Variants in TXNRD1 observed in about 807,000 individuals in gnomAD.
TXNRD1 encodes the protein thioredoxin reductase 1.
A neutral mutation model predicts 80.3 loss-of-function variants in TXNRD1; 57 were observed. That is an observed-to-expected ratio of 0.71 (90% confidence interval 0.57 to 0.89). The LOEUF (loss-of-function observed/expected upper bound fraction) is 0.89, where lower values mean the gene tolerates loss of function less well. Among genes scored for constraint, TXNRD1 ranks in the 40% least tolerant of loss-of-function variants. TXNRD1 has a pLI of 0.00. For missense variants in TXNRD1, 730 were observed against 803.0 expected (o/e 0.91, Z 1.10); for synonymous variants, 291 against 285.2 (o/e 1.02, Z -0.20).
At chr12:104,332,032 C>T (rs2035971018) in intron 14 of TXNRD1, among the ~76,000 whole-genome samples, 1 of 152,004 alleles carries the variant, frequency 6.6e-6, no homozygotes, top group South Asian at 2.1e-4. Context: ...AATCGTATTT[C>T]CTTTTACTTT....
At chr12:104,230,152 C>T (rs2032582935) in intron 1 of TXNRD1, among the ~76,000 whole-genome samples, 1 of 151,786 alleles carries the variant, frequency 6.6e-6, no homozygotes, top group African/African-American at 2.4e-5. Context: ...TCACTGCAAC[C>T]TCCACCTCCC....
intron 15 of TXNRD1, 61 bp from the exon 16 acceptor site, chr12:104,339,078 G>A: frequency 1.9e-6 from 3 of 1,597,782 alleles, no homozygotes; most frequent in South Asian, 2.3e-5. Context: ...TCTAAGCTGT[G>A]TAGGAAGAGG....
At position 104,288,946 on chromosome 12, in the gene TXNRD1, T is replaced by G. The variant is rs755642351; in HGVS notation, c.320T>G (p.Leu107Arg). Reference protein sequence around the residue: ...ELDQTEDGRALEGTLSELAAE... With the variant: ...ELDQTEDGRAREGTLSELAAE... ...TGCCACACAGAGGACGGTCGGGCCC[T>G]GGAAGGAACGCTCTCGGAATTGGCC... The change falls in exon 4 of 17, where the codon CTG becomes CGG. Residue 107 changes from leucine (L) to arginine (R), a missense_variant. Transcript: ENST00000525566. 2.4e-5 allele frequency: 38 copies of G among 1,613,896 alleles called. No homozygotes were observed. Among genetic ancestry groups the G allele is most frequent in the Non-Finnish European group, 3.1e-5 (36 of 1,179,884 alleles).
chr12:104,233,201 A>AGGGCTTACG (rs1565854945), intron 1 of TXNRD1, among the ~76,000 whole-genome samples: 2 of 152,150 alleles, frequency 1.3e-5, no homozygotes, highest in Non-Finnish European at 2.9e-5. Context: ...TAACAGCTAC[A>AGGGCTTACG]TAGGGCTTAA....
chr12:104,348,160 T>G (rs1267406533), intron 16 of TXNRD1, among the ~76,000 whole-genome samples, 193 bp from the exon 17 acceptor site: 1 of 152,220 alleles, frequency 6.6e-6, no homozygotes, highest in African/African-American at 2.4e-5. Context: ...CTCTTTCATC[T>G]TGGTTTTAAA....
At chr12:104,241,561 A>C (rs1175432955) in intron 1 of TXNRD1, among the ~76,000 whole-genome samples, 1 of 146,516 alleles carries the variant, frequency 6.8e-6, no homozygotes, top group Admixed American at 6.9e-5. Flanking sequence ...GTAGAGACGG[A>C]CTCTCCACTT....
chr12:104,289,055 CG>C lies in TXNRD1; in HGVS notation c.414+16del. 1 of 1,606,582 alleles carries C rather than the reference CG, an allele frequency of 6.2e-7. No individual in the cohort carries two copies. The highest frequency in any genetic ancestry group is 8.5e-7 in the Non-Finnish European group (1 of 1,174,344). On this transcript the variant is annotated intron_variant, in intron 4 of 16. Coordinates refer to ENST00000525566, the MANE Select transcript of TXNRD1 (RefSeq NM_001093771.3). Reference sequence around the variant, plus strand: ...CAACCTTGAAGGTAGGAGAGAGTAACGTATCTTTTTAAACGGGGGATGAGCT... The same window carrying C: ...CAACCTTGAAGGTAGGAGAGAGTAACTATCTTTTTAAACGGGGGATGAGCT...
intron 3 of TXNRD1, among the ~76,000 whole-genome samples, chr12:104,276,352 GA>G (rs2135730115): frequency 6.6e-6 from 1 of 152,284 alleles, no homozygotes; most frequent in South Asian, 2.1e-4. Context: ...ACAGAGAAGT[GA>G]AAGTAACTTG....
Position 104,325,423 on chromosome 12 carries a change from T to C in TXNRD1, c.1302T>C (p.Tyr434=). The C allele has an allele frequency of 6.2e-7, 1 of 1,609,148 alleles. No individual in the cohort carries two copies. The change falls in exon 11 of 17, where the codon TAT becomes TAC. Residue 434 remains tyrosine (Y), a synonymous_variant. Transcript: ENST00000525566. ...TNSEEIIEGE[Y]NTVMLAIGRD... ...GTGAGGAAATCATTGAAGGAGAATA[T>C]AATACGGTAAGGAATGGGCCCAGGT...
intron 15 of TXNRD1, among the ~76,000 whole-genome samples, chr12:104,336,628 A>G (rs1388840721): frequency 1.3e-5 from 2 of 151,998 alleles, no homozygotes; most frequent in Non-Finnish European, 2.9e-5. Flanking sequence ...AAGTCAAGGA[A>G]TGTTAACATT....
chr12:104,338,354 T>C (rs189675730), intron 15 of TXNRD1, among the ~76,000 whole-genome samples: 26 of 151,922 alleles, frequency 1.7e-4, no homozygotes, highest in African/African-American at 4.6e-4. Context: ...TTGGTTCATG[T>C]TGGGGAGTCT....
chr12:104,279,821 T>G (rs2033838658), intron 3 of TXNRD1, among the ~76,000 whole-genome samples: 1 of 152,038 alleles, frequency 6.6e-6, no homozygotes, highest in South Asian at 2.1e-4. Context: ...TCCCAGCACT[T>G]TGGGAGGCCG....
intron 4 of TXNRD1, among the ~76,000 whole-genome samples, chr12:104,293,364 C>A (rs10735394): frequency 0.84 from 127,162 of 152,214 alleles, 53,220 homozygotes; most frequent in Non-Finnish European, 0.86. Flanking sequence ...TGACAGGCAC[C>A]AAGCAATGCG....
intron 14 of TXNRD1, among the ~76,000 whole-genome samples, chr12:104,333,273 G>A (rs756468531): frequency 2.2e-4 from 34 of 151,854 alleles, no homozygotes; most frequent in Non-Finnish European, 4.6e-4. Context: ...ATTAAAATTT[G>A]AAATTTTTAA....
chr12:104,272,640 A>T (rs2033675150), intron 3 of TXNRD1, among the ~76,000 whole-genome samples: 1 of 151,980 alleles, frequency 6.6e-6, no homozygotes, highest in Non-Finnish European at 1.5e-5. Flanking sequence ...AAATACAAAA[A>T]AATTAGCTGG....
intron 13 of TXNRD1, among the ~76,000 whole-genome samples, chr12:104,329,335 A>G (rs2035871836): frequency 6.6e-6 from 1 of 151,988 alleles, no homozygotes; most frequent in African/African-American, 2.4e-5. Flanking sequence ...AGGCTAAAAC[A>G]TTGAATGGAG....
intron 1 of TXNRD1, among the ~76,000 whole-genome samples, chr12:104,245,814 A>G (rs76574608): frequency 0.041 from 6,179 of 151,912 alleles, 181 homozygotes; most frequent in East Asian, 0.18. Flanking sequence ...TGTATGTAAG[A>G]AATGACATTT....
intron 3 of TXNRD1, among the ~76,000 whole-genome samples, chr12:104,269,358 T>C (rs1037284243): frequency 3.4e-4 from 52 of 152,102 alleles, no homozygotes; most frequent in Middle Eastern, 6.8e-3. Context: ...CAGACTCTAT[T>C]TTTTGTGGGT....
chr12:104,264,443 G>A (rs1450921435), intron 3 of TXNRD1, among the ~76,000 whole-genome samples: 1 of 152,178 alleles, frequency 6.6e-6, no homozygotes, highest in Non-Finnish European at 1.5e-5. Context: ...AGGAGACATG[G>A]GAGGTTGTTC....
Sources: gnomAD v4.1 joint callset for allele counts (sites outside exome capture counted in the v4.1 genomes callset) on GRCh38, gnomAD v4.1.1 for gene constraint, MANE v1.5 for transcripts, NCBI Gene and HGNC (gene_info 2026-07-23, HGNC 2026-07-21) for gene names.